SCHIP1: variants seen among roughly 807,000 people sequenced by gnomAD.
SCHIP1 encodes schwannomin interacting protein 1, also known as schwannomin-interacting protein 1.
In SCHIP1, 8 loss-of-function variants were observed where a neutral mutation model predicts 29.7. The observed-to-expected ratio is 0.27, with a 90% confidence interval of 0.16 to 0.49. The LOEUF is 0.49. Ranked by LOEUF, SCHIP1 falls within the 20% of genes least tolerant of loss-of-function variation. SCHIP1 has a pLI of 0.99. For missense variants in SCHIP1, 193 were observed against 294.6 expected (o/e 0.66, Z 2.52); for synonymous variants, 76 against 94.9 (o/e 0.80, Z 1.16).
the SCHIP1 span, among the ~76,000 whole-genome samples, chr3:159,691,117 C>A: frequency 6.6e-6 from 1 of 152,040 alleles, no homozygotes; most frequent in South Asian, 2.1e-4. Flanking sequence ...TCTGCTTGGT[C>A]CAGAGCTGAG....
the SCHIP1 span, among the ~76,000 whole-genome samples, chr3:159,712,829 A>G: frequency 7.9e-6 from 1 of 126,540 alleles, no homozygotes; most frequent in African/African-American, 2.7e-5. Flanking sequence ...AAGAAGAGAG[A>G]AAGAAAGAAA....
At chr3:159,459,589 G>C in the SCHIP1 span, among the ~76,000 whole-genome samples, 2 of 152,020 alleles carry the variant, frequency 1.3e-5, no homozygotes, top group South Asian at 4.2e-4. Flanking sequence ...GGCTGTATCA[G>C]ACAGAAATAT....
At chr3:159,507,148 A>G in the SCHIP1 span, among the ~76,000 whole-genome samples, 1 of 152,144 alleles carries the variant, frequency 6.6e-6, no homozygotes, top group African/African-American at 2.4e-5. Flanking sequence ...TTCGTTGAGC[A>G]GTAGTTTGTA....
At chr3:159,291,542 A>G in the SCHIP1 span, among the ~76,000 whole-genome samples, 2 of 152,256 alleles carry the variant, frequency 1.3e-5, no homozygotes, top group South Asian at 4.1e-4. Flanking sequence ...ACAATCATGA[A>G]TGGATGAAGC....
At chr3:159,574,324 A>T in the SCHIP1 span, among the ~76,000 whole-genome samples, 1 of 152,154 alleles carries the variant, frequency 6.6e-6, no homozygotes, top group Non-Finnish European at 1.5e-5. Context: ...GTTGATGTTG[A>T]TGCTATTCCT....
At chr3:159,565,265 G>A in the SCHIP1 span, among the ~76,000 whole-genome samples, 2 of 152,226 alleles carry the variant, frequency 1.3e-5, no homozygotes, top group East Asian at 3.9e-4. Context: ...GAACACGAAA[G>A]TCATTTTTAT....
chr3:159,274,377 T>G, the SCHIP1 span: 1 of 975,224 alleles, frequency 1.0e-6, no homozygotes, highest in South Asian at 4.7e-5. Context: ...ATGGGAGATA[T>G]TTGATGACTT....
intron 1 of SCHIP1, among the ~76,000 whole-genome samples, chr3:159,852,198 ACT>A (rs1712738638): frequency 6.6e-6 from 1 of 152,080 alleles, no homozygotes; most frequent in Non-Finnish European, 1.5e-5. Context: ...TGCTTTTAGA[ACT>A]CTGTTCTTAA....
At chr3:159,413,580 A>G in the SCHIP1 span, among the ~76,000 whole-genome samples, 1 of 152,150 alleles carries the variant, frequency 6.6e-6, no homozygotes, top group South Asian at 2.1e-4. Context: ...TGACCTCATT[A>G]CTGAGTATGT....
the SCHIP1 span, among the ~76,000 whole-genome samples, chr3:159,593,023 T>C: frequency 2.6e-5 from 4 of 152,136 alleles, no homozygotes; most frequent in African/African-American, 4.8e-5. Flanking sequence ...CACTTTTTAA[T>C]TGTGTGCCCT....
At chr3:159,327,080 A>G in the SCHIP1 span, among the ~76,000 whole-genome samples, 1 of 152,202 alleles carries the variant, frequency 6.6e-6, no homozygotes, top group South Asian at 2.1e-4. Context: ...GGAAAATATA[A>G]TTGCATTTAA....
chr3:159,719,189 G>A, the SCHIP1 span, among the ~76,000 whole-genome samples: 1 of 152,178 alleles, frequency 6.6e-6, no homozygotes, highest in Non-Finnish European at 1.5e-5. Flanking sequence ...TATGTAGAAA[G>A]CTGAAACCCG....
At chr3:159,847,647 T>A (rs1224890256) in intron 1 of SCHIP1, among the ~76,000 whole-genome samples, 1 of 152,196 alleles carries the variant, frequency 6.6e-6, no homozygotes, top group Non-Finnish European at 1.5e-5. Flanking sequence ...TTTCTCGTGC[T>A]TGGTTTTAGT....
chr3:159,381,913 T>A, the SCHIP1 span, among the ~76,000 whole-genome samples: 1 of 152,176 alleles, frequency 6.6e-6, no homozygotes, highest in African/African-American at 2.4e-5. Flanking sequence ...CCTGGATTTC[T>A]GTAATATCCT....
chr3:159,535,685 T>C, the SCHIP1 span, among the ~76,000 whole-genome samples: 1 of 152,226 alleles, frequency 6.6e-6, no homozygotes, highest in African/African-American at 2.4e-5. Flanking sequence ...GACCTCATCA[T>C]AACCACTGTC....
the SCHIP1 span, among the ~76,000 whole-genome samples, chr3:159,294,465 A>G: frequency 6.6e-6 from 1 of 152,174 alleles, no homozygotes; most frequent in Non-Finnish European, 1.5e-5. Context: ...GAATATGAGT[A>G]TTTATTTATA....
At chr3:159,548,318 C>T in the SCHIP1 span, among the ~76,000 whole-genome samples, 1 of 151,752 alleles carries the variant, frequency 6.6e-6, no homozygotes, top group Non-Finnish European at 1.5e-5. Context: ...TTTGTTATTT[C>T]TTCTTGAGTT....
the SCHIP1 span, among the ~76,000 whole-genome samples, chr3:159,343,594 C>G: frequency 6.6e-6 from 1 of 152,152 alleles, no homozygotes; most frequent in South Asian, 2.1e-4. Context: ...AACCATGCAG[C>G]CTTGCCTAAT....
chr3:159,298,017 T>C, the SCHIP1 span, among the ~76,000 whole-genome samples: 123 of 152,330 alleles, frequency 8.1e-4, no homozygotes, highest in Non-Finnish European at 1.4e-3. Context: ...CTCACTAGAA[T>C]GTAAGCAAGC....
Sources: gnomAD v4.1 joint callset for allele counts (sites outside exome capture counted in the v4.1 genomes callset) on GRCh38, gnomAD v4.1.1 for gene constraint, MANE v1.5 for transcripts, NCBI Gene and HGNC (gene_info 2026-07-23, HGNC 2026-07-21) for gene names.